Variants in FRMD4A observed in about 807,000 individuals in gnomAD.
FRMD4A encodes the protein FERM domain containing 4A.
Under a neutral mutation model 129.1 loss-of-function variants are expected in FRMD4A, and 29 were observed. The ratio of observed to expected loss-of-function variants is 0.22; its 90% CI spans 0.17 to 0.31. The LOEUF (loss-of-function observed/expected upper bound fraction) is 0.31. FRMD4A is among the 10% of genes least tolerant of loss of function. The pLI, the probability that FRMD4A is intolerant of heterozygous loss-of-function variation, is 1.00. For synonymous variants in FRMD4A, 634 were observed against 571.6 expected, an observed-to-expected ratio of 1.11 and a Z score of -1.56; for missense variants, 1,272 against 1,375.8, an observed-to-expected ratio of 0.92 and a Z score of 1.19.
chr10:13,976,036 C>T (rs914137310), intron 2 of FRMD4A, among the ~76,000 whole-genome samples: 8 of 152,144 alleles, frequency 5.3e-5, no homozygotes, highest in African/African-American at 1.4e-4. Context: ...ACAGAGTGAC[C>T]TCTTGGTGTC....
At chr10:14,156,479 A>C (rs570558945) in intron 2 of FRMD4A, among the ~76,000 whole-genome samples, 1 of 152,210 alleles carries the variant, frequency 6.6e-6, no homozygotes, top group Non-Finnish European at 1.5e-5. Flanking sequence ...TTTTTATTAC[A>C]AACATATTTG....
chr10:14,179,358 A>G (rs116565780), intron 2 of FRMD4A, among the ~76,000 whole-genome samples: 1,778 of 152,330 alleles, frequency 0.012, 33 homozygotes, highest in African/African-American at 0.04. Context: ...ATTTAGAAAC[A>G]TCTTCATCAA....
intron 2 of FRMD4A, among the ~76,000 whole-genome samples, chr10:13,965,807 G>A (rs981036865): frequency 6.6e-6 from 1 of 152,184 alleles, no homozygotes; most frequent in Admixed American, 6.5e-5. Flanking sequence ...TTCTCTCTCT[G>A]TAGAAAATGT....
intron 5 of FRMD4A, among the ~76,000 whole-genome samples, chr10:13,788,889 T>C (rs1344717184): frequency 6.6e-6 from 1 of 152,220 alleles, no homozygotes; most frequent in East Asian, 1.9e-4. Flanking sequence ...CCTAGTCAGA[T>C]GGCAAGGGCC....
intron 2 of FRMD4A, among the ~76,000 whole-genome samples, chr10:14,006,009 A>G (rs2095660981): frequency 6.6e-6 from 1 of 152,112 alleles, no homozygotes; most frequent in Non-Finnish European, 1.5e-5. Context: ...ACAAACTGCT[A>G]TTGCTTTACA....
At chr10:13,747,895 T>C (rs1393731052) in intron 8 of FRMD4A, 76 bp from the exon 9 acceptor site, 7 of 833,456 alleles carry the variant, frequency 8.4e-6, no homozygotes, top group African/African-American at 1.7e-5. Context: ...CTTGGGCCGC[T>C]GTCTTGTCTG....
At chr10:14,155,360 T>C (rs1840543814) in intron 2 of FRMD4A, among the ~76,000 whole-genome samples, 1 of 152,186 alleles carries the variant, frequency 6.6e-6, no homozygotes. Flanking sequence ...GGAGGCCCTC[T>C]GAGAGACAGT....
At chr10:14,230,355 C>T (rs754361007) in intron 2 of FRMD4A, among the ~76,000 whole-genome samples, 3 of 152,208 alleles carry the variant, frequency 2.0e-5, no homozygotes, top group African/African-American at 2.4e-5. Context: ...AGTACAAATG[C>T]GTGTCCTGTG....
chr10:13,669,057 GTT>G (rs56706198), intron 17 of FRMD4A, among the ~76,000 whole-genome samples: 2,207 of 97,222 alleles, frequency 0.023, 4 homozygotes, highest in Middle Eastern at 0.029. Context: ...CTGAGCTTTA[GTT>G]TTTTTTTTTT....
chr10:13,929,560 C>G (rs2095170995), intron 2 of FRMD4A, among the ~76,000 whole-genome samples: 1 of 152,186 alleles, frequency 6.6e-6, no homozygotes, highest in Admixed American at 6.5e-5. Flanking sequence ...TCCAGAACAA[C>G]TGGTTTAAAA....
chr10:13,807,506 A>G (rs1426273556), intron 4 of FRMD4A, among the ~76,000 whole-genome samples: 1 of 152,270 alleles, frequency 6.6e-6, no homozygotes, highest in Admixed American at 6.5e-5. Context: ...CTAAAGTTAA[A>G]AGATTAAAAA....
intron 2 of FRMD4A, among the ~76,000 whole-genome samples, chr10:13,999,283 C>T (rs1003369770): frequency 6.6e-6 from 1 of 152,078 alleles, no homozygotes; most frequent in Admixed American, 6.6e-5. Flanking sequence ...ACTACCAATT[C>T]ACGAAAGCGC....
Position 13,888,971 on chromosome 10 carries a change from T to C in FRMD4A, c.46-30059A>G, listed in dbSNP as rs905546934. 2.4e-4 allele frequency among the ~76,000 whole-genome samples: 37 copies of C among 152,264 alleles called. 1 individual carries two copies. The highest frequency in any genetic ancestry group is 6.8e-4 in the African/African-American group (28 of 41,472). ...TCCATTATACTTTCATTCAGTATGA[T>C]GCGTCAGGCTAAACGCAAGTCTTAT... On this transcript the variant is annotated intron_variant, in intron 2 of 24. Transcript: ENST00000357447.
At chr10:14,063,529 CT>C (rs1204424618) in intron 2 of FRMD4A, among the ~76,000 whole-genome samples, 1 of 149,496 alleles carries the variant, frequency 6.7e-6, no homozygotes, top group Admixed American at 6.8e-5. Flanking sequence ...TGATAAAAAC[CT>C]GAGTTCTTAC....
At chr10:13,664,829 C>T (rs2082889746) in intron 18 of FRMD4A, among the ~76,000 whole-genome samples, 1 of 152,080 alleles carries the variant, frequency 6.6e-6, no homozygotes, top group Non-Finnish European at 1.5e-5. Context: ...TCTGCCTCAG[C>T]CTCCTGAGTA....
chr10:13,937,448 C>G (rs1446636640), intron 2 of FRMD4A, among the ~76,000 whole-genome samples: 2 of 152,180 alleles, frequency 1.3e-5, no homozygotes, highest in African/African-American at 4.8e-5. Flanking sequence ...CAACGCCCAG[C>G]CTTTAAATGT....
chr10:13,772,124 T>C (rs990373504), intron 6 of FRMD4A, among the ~76,000 whole-genome samples: 1 of 144,678 alleles, frequency 6.9e-6, no homozygotes, highest in Non-Finnish European at 1.5e-5. Context: ...CTCAAAAAAA[T>C]ATATATATTA....
At chr10:13,976,571 G>A (rs2095542836) in intron 2 of FRMD4A, among the ~76,000 whole-genome samples, 1 of 151,854 alleles carries the variant, frequency 6.6e-6, no homozygotes, top group African/African-American at 2.4e-5. Context: ...AGCAACAAAT[G>A]CCTTTGCCTG....
chr10:13,931,977 A>AC (rs373572462), intron 2 of FRMD4A, among the ~76,000 whole-genome samples: 26,763 of 151,458 alleles, frequency 0.18, 2,523 homozygotes, highest in Admixed American at 0.25. Context: ...CAACCAACCA[A>AC]CAAACCAACC....
Sources: gnomAD v4.1 joint callset for allele counts (sites outside exome capture counted in the v4.1 genomes callset) on GRCh38, gnomAD v4.1.1 for gene constraint, MANE v1.5 for transcripts, NCBI Gene and HGNC (gene_info 2026-07-23, HGNC 2026-07-21) for gene names.